The following MYO18A variants were observed in gnomAD, a reference collection of about 807,000 sequenced individuals.
The protein encoded by MYO18A is myosin XVIIIA.
Under a neutral mutation model 235.8 loss-of-function variants are expected in MYO18A, and 78 were observed. The ratio of observed to expected loss-of-function variants is 0.33; its 90% CI spans 0.28 to 0.40. The LOEUF (loss-of-function observed/expected upper bound fraction) is 0.40, where lower values mean the gene tolerates loss of function less well. Ranked by LOEUF, MYO18A falls within the 10% of genes least tolerant of loss-of-function variation. MYO18A has a pLI of 1.00. For missense variants in MYO18A, 2,215 were observed against 2,699.3 expected (o/e 0.82, Z 3.98); for synonymous variants, 977 against 1,077.8 (o/e 0.91, Z 1.83).
chr17:29,171,518 T>G (rs1049004668), intron 1 of MYO18A, among the ~76,000 whole-genome samples: 15 of 152,132 alleles, frequency 9.9e-5, no homozygotes, highest in African/African-American at 3.6e-4. Flanking sequence ...TATTGAACTC[T>G]AGTGAATGAT....
Position 29,111,830 on chromosome 17 carries a change from C to T in MYO18A, c.2632G>A (p.Gly878Ser), listed in dbSNP as rs1049989278. Reference protein sequence around the residue: ...RSLARTDEARGLLWLLEEEAL... With the variant: ...RSLARTDEARSLLWLLEEEAL... ...TCCTCTTCCAATAGCCAGAGCAGGC[C>T]CCTCGCCTCGTCTGTGCGGGCCAGC... is the stretch of plus-strand genomic sequence containing the variant. The change falls in exon 16 of 42, where the codon GGC (glycine) becomes AGC (serine). Residue 878 changes from glycine (G) to serine (S), a missense_variant. By Grantham distance (56) the Gly-to-Ser change is moderately conservative (BLOSUM62 0). Transcript: ENST00000527372. This position sits in a 1 kb window ranked among gnomAD's most constrained non-coding sequence, Gnocchi z 5.1. 1.2e-6 allele frequency: 2 copies of T among 1,613,794 alleles called. No individual in the cohort carries two copies. The highest frequency in any genetic ancestry group is 1.7e-6 in the Non-Finnish European group (2 of 1,179,746).
intron 1 of MYO18A, among the ~76,000 whole-genome samples, chr17:29,169,504 C>T (rs1409270502): frequency 6.6e-6 from 1 of 152,062 alleles, no homozygotes; most frequent in African/African-American, 2.4e-5. Context: ...ATTCTCTCTT[C>T]GGGGCTCTAC....
At position 29,083,532 on chromosome 17, in the gene MYO18A, GCA is replaced by G. The variant is rs57491599; in HGVS notation, c.5898-1096_5898-1095del. ...CACACAGGCATGTGTGCGCGCGCGC[GCA>G]CACACACACACACACACACACACAC... On this transcript the variant is annotated intron_variant, in intron 40 of 41. Transcript: ENST00000527372. 1.9e-3 allele frequency among the ~76,000 whole-genome samples: 269 copies of G among 144,602 alleles called. 3 individuals carry two copies. The highest frequency in any genetic ancestry group is 4.3e-3 in the Admixed American group (63 of 14,570). The allele number at this position is 144,602 out of a possible 152,430, so 94.9% of individuals were successfully genotyped here.
At chr17:29,090,757 A>T in intron 35 of MYO18A, 53 bp downstream of exon 35, 1 of 1,561,282 alleles carries the variant, frequency 6.4e-7, no homozygotes, top group Non-Finnish European at 8.8e-7. Context: ...CATGAGGAGG[A>T]CCACAAGGAT....
intron 39 of MYO18A, 52 bp downstream of exon 39, chr17:29,086,386 G>T: frequency 6.4e-7 from 1 of 1,551,522 alleles, no homozygotes; most frequent in East Asian, 2.4e-5. Context: ...TTCCAGAGGT[G>T]GTCAAGAGGG....
chr17:29,151,929 A>T (rs553788855), intron 2 of MYO18A, among the ~76,000 whole-genome samples: 1 of 152,276 alleles, frequency 6.6e-6, no homozygotes, highest in East Asian at 1.9e-4. Flanking sequence ...TAGATGAAGC[A>T]AAGGAGGAGT....
At chr17:29,100,661 A>G (rs1431818784) in intron 21 of MYO18A, among the ~76,000 whole-genome samples, 1 of 152,264 alleles carries the variant, frequency 6.6e-6, no homozygotes, top group Non-Finnish European at 1.5e-5. Flanking sequence ...GAGAGTGGGC[A>G]GAGACACCTA....
chr17:29,115,417 C>T lies in MYO18A; in HGVS notation c.2252G>A (p.Cys751Tyr). The change falls in exon 13 of 42, where the codon TGC (cysteine) becomes TAC (tyrosine). Residue 751 changes from cysteine (C) to tyrosine (Y), a missense_variant. Physicochemically the swap from Cys to Tyr is radical, Grantham distance 194. Coordinates refer to ENST00000527372, the MANE Select transcript of MYO18A (RefSeq NM_078471.4). ...GAGGCCGGCCGCCATGCCCTCAAGGCACTCCAGTGCACTCAGTTTCGGGCC... is the reference window on the plus strand; with the variant it reads ...GAGGCCGGCCGCCATGCCCTCAAGGTACTCCAGTGCACTCAGTTTCGGGCC... ...GTGPKLSALE[C>Y]LEGMAAGLYS... is the part of the protein sequence containing the mutation. The T allele has an allele frequency of 6.2e-7, 1 of 1,613,916 alleles. No individual in the cohort carries two copies. Among genetic ancestry groups the T allele is most frequent in the South Asian group, 1.1e-5 (1 of 91,084 alleles).
intron 10 of MYO18A, among the ~76,000 whole-genome samples, chr17:29,116,754 A>T (rs1026638973): frequency 3.7e-5 from 2 of 54,496 alleles, no homozygotes; most frequent in African/African-American, 7.1e-5. Context: ...CCGCCGGAAA[A>T]CACTGGAAGC....
chr17:29,086,958 G>A lies in MYO18A; in HGVS notation c.5690C>T (p.Ala1897Val), dbSNP rs199648013. The change falls in exon 38 of 42, where the codon GCG becomes GTG. Residue 1897 changes from alanine to valine, a missense_variant. Transcript: ENST00000527372. ...MGELARKEAEASRKKHELEMD... is the reference protein window; with the variant it reads ...MGELARKEAEVSRKKHELEMD... ...TACCAGTTCGTGCTTCTTGCGGCTCGCCTCGGCCTCCTTCCTGGCAAGCTC... is the reference window on the plus strand; with the variant it reads ...TACCAGTTCGTGCTTCTTGCGGCTCACCTCGGCCTCCTTCCTGGCAAGCTC... 2.5e-6 allele frequency: 4 copies of A among 1,599,126 alleles called. No individual in the cohort carries two copies. The highest frequency in any genetic ancestry group is 3.4e-6 in the Non-Finnish European group (4 of 1,175,098).
intron 41 of MYO18A, among the ~76,000 whole-genome samples, chr17:29,079,245 C>T (rs1369967499): frequency 2.0e-5 from 3 of 152,208 alleles, no homozygotes; most frequent in Non-Finnish European, 1.5e-5. Flanking sequence ...CCCATGTGCT[C>T]TGCACTGGCT....
rs1326401665 is a variant in MYO18A, at chr17:29,115,197, C to T, written c.2319-98G>A. 2.8e-6 allele frequency: 4 copies of T among 1,450,158 alleles called. No individual in the cohort carries two copies. In the Admixed American group the frequency reaches 6.3e-5, roughly 23 times the overall value. 89.8% of individuals were successfully genotyped at this position (1,450,158 alleles called of 1,614,324 possible). A position where few individuals can be genotyped will look rare whatever the true frequency, so the allele number is the denominator to read the frequency against. On this transcript the variant is annotated intron_variant, in intron 13 of 41. Transcript: ENST00000527372. ...CCAGACCTCTATCCCTGCCCAGGACCCTGGTGGGGAGGGCATGCTGGCCTT... is the reference window on the plus strand; with the variant it reads ...CCAGACCTCTATCCCTGCCCAGGACTCTGGTGGGGAGGGCATGCTGGCCTT...
rs35112103 is a variant in MYO18A, at chr17:29,126,323, C to T, written c.1000-4070G>A. Among the ~76,000 whole-genome samples, 20 of 81,234 alleles carry T rather than the reference C, an allele frequency of 2.5e-4. 1 individual carries two copies. Among genetic ancestry groups the T allele is most frequent in the African/African-American group, 1.0e-3 (19 of 18,380 alleles). 53.3% of individuals were successfully genotyped at this position (81,234 alleles called of 152,430 possible). Reference sequence around the variant, plus strand: ...GAGGAGGAGGGACGGGGAGGAGGGACGGGGAGGAGGGAGGGGAGGGCAGCC... The same window carrying T: ...GAGGAGGAGGGACGGGGAGGAGGGATGGGGAGGAGGGAGGGGAGGGCAGCC... On this transcript the variant is annotated intron_variant, in intron 2 of 41. Coordinates refer to ENST00000527372, the MANE Select transcript of MYO18A (RefSeq NM_078471.4). This position sits in a 1 kb window ranked among gnomAD's most constrained non-coding sequence, Gnocchi z 4.1.
Position 29,109,949 on chromosome 17 carries a change from G to C in MYO18A, c.3240C>G (p.Cys1080Trp). ...CGTCGAGCTGCAGGAGCCCAGCCTC[G>C]CAGTGGTCTCCCGAGGGCAGGTCCA... is the stretch of plus-strand genomic sequence containing the variant. ...SELDLPSGDH[C>W]EAGLLQLDVP... is the part of the protein sequence containing the mutation. Residue 1080 changes from cysteine to tryptophan, a missense_variant, in exon 19 of 42, where the codon TGC (cysteine) becomes TGG (tryptophan). By Grantham distance (215) the Cys-to-Trp change is radical. Transcript: ENST00000527372. The surrounding 1 kb of genome is among the most constrained non-coding windows in gnomAD (Gnocchi z 4.1). 6.2e-7 allele frequency: 1 copy of C among 1,607,862 alleles called. No individual in the cohort carries two copies. The highest frequency in any genetic ancestry group is 8.5e-7 in the Non-Finnish European group (1 of 1,177,490).
chr17:29,167,664 C>T (rs1255602855), intron 1 of MYO18A, among the ~76,000 whole-genome samples: 1 of 151,136 alleles, frequency 6.6e-6, no homozygotes, highest in Non-Finnish European at 1.5e-5. Context: ...TATGATCACA[C>T]TACTCCAGCT....
chr17:29,097,027 C>T (rs1026896774), intron 27 of MYO18A, 112 bp from the exon 28 acceptor site: 7 of 1,403,446 alleles, frequency 5.0e-6, no homozygotes, highest in Non-Finnish European at 4.7e-6. Context: ...AGGAGGAAGT[C>T]GGGTCTCCCA....
intron 34 of MYO18A, chr17:29,091,863 A>G: frequency 3.0e-6 from 1 of 329,572 alleles, no homozygotes; most frequent in Non-Finnish European, 6.0e-6. Context: ...TTCTCTGCCG[A>G]TGGATGGGCC....
intron 2 of MYO18A, among the ~76,000 whole-genome samples, chr17:29,155,817 C>T (rs1412429000): frequency 6.6e-6 from 1 of 152,206 alleles, no homozygotes; most frequent in Admixed American, 6.5e-5. Context: ...GCCTCATTCT[C>T]TCCTCAGAGA....
At chr17:29,113,544 G>A (rs536838057) in intron 15 of MYO18A, among the ~76,000 whole-genome samples, 13 of 152,324 alleles carry the variant, frequency 8.5e-5, no homozygotes, top group South Asian at 4.1e-4. Flanking sequence ...CCCTGGGAGC[G>A]GGAGGCTGGC....
Sources: allele counts gnomAD v4.1 joint callset (sites outside exome capture counted in the v4.1 genomes callset), GRCh38; gene constraint gnomAD v4.1.1; non-coding constraint Gnocchi (gnomAD v3.1); transcripts MANE v1.5; gene names NCBI Gene and HGNC (gene_info 2026-07-23, HGNC 2026-07-21).